SP140: variants seen among roughly 807,000 people sequenced by gnomAD.
The protein encoded by SP140 is nuclear body protein SP140.
SP140 carries 81 observed loss-of-function variants against 125.0 expected under a neutral mutation model. The observed-to-expected ratio is 0.65, with a 90% CI of 0.54 to 0.78. The LOEUF is 0.78. SP140 is among the 30% of genes least tolerant of loss of function. The probability of loss-of-function intolerance (pLI) is 0.00; values close to 1 mark genes in which losing one functional copy is unlikely to be tolerated. For synonymous variants in SP140, 312 were observed against 354.0 expected (o/e 0.88, Z 1.33); for missense variants, 858 against 1,037.0 (o/e 0.83, Z 2.37).
chr2:230,288,672 A>G (rs1049058581), intron 18 of SP140, among the ~76,000 whole-genome samples: 7 of 151,948 alleles, frequency 4.6e-5, no homozygotes, highest in African/African-American at 1.7e-4. Context: ...CCCTGTGTCC[A>G]TGTGTCCTTA....
At chr2:230,205,104 A>G (rs1468911045) in intron 1 of SP140, among the ~76,000 whole-genome samples, 1 of 152,188 alleles carries the variant, frequency 6.6e-6, no homozygotes, top group Non-Finnish European at 1.5e-5. Context: ...GAAATAAACT[A>G]ATTAGATTTT....
the SP140 span, among the ~76,000 whole-genome samples, chr2:230,197,418 A>T: frequency 6.6e-6 from 1 of 151,002 alleles, no homozygotes; most frequent in Non-Finnish European, 1.5e-5. Flanking sequence ...AATTTGTTTG[A>T]GTTAATTGTA....
At position 230,244,941 on chromosome 2, in the gene SP140, G is replaced by A. The variant is rs750946875; in HGVS notation, c.572-47G>A. On this transcript the variant is annotated intron_variant, in intron 5 of 26. Transcript: ENST00000392045. ...TGCTGAACACCAGGATTCAGCAGGA[G>A]CATCCTGAGGTCTGTGCTCTCATCA... 6.7e-6 allele frequency: 9 copies of A among 1,340,218 alleles called. No homozygotes were observed. The East Asian group carries it at 9.3e-5, about 14-fold the overall frequency. The allele number at this position is 1,340,218 out of a possible 1,614,324, so 83.0% of individuals were successfully genotyped here.
Position 230,249,011 on chromosome 2 carries a change from T to C in SP140, c.976+43T>C, listed in dbSNP as rs189035556. 2.5e-5 allele frequency: 38 copies of C among 1,513,880 alleles called. No homozygotes were observed. In the African/African-American group the frequency reaches 5.0e-4, roughly 20 times the overall value. 93.8% of individuals were successfully genotyped at this position (1,513,880 alleles called of 1,614,324 possible). ...TTTTAAATATTTGAGTACATCTTTG[T>C]TTTCTAGTTGGCATGGAAAAAAAGT... is the stretch of plus-strand genomic sequence containing the variant. On this transcript the variant is annotated intron_variant, in intron 9 of 26. Transcript: ENST00000392045.
rs867706333 is a variant in SP140 at position 230,237,126 on chromosome 2, G to A, written c.103G>A (p.Glu35Lys). ...IQNVEGQNLQ[E>K]QVCPEPIFRF... ...GAACGTAGAGGGTCAGAACCTGCAG[G>A]AGCAGGTTTGCCCTGAGCCCATTTT... Residue 35 changes from glutamate to lysine, a missense_variant, in exon 2 of 27, where the codon GAG (glutamate) becomes AAG (lysine). By Grantham distance (56) the Glu-to-Lys change is moderately conservative. Around this residue, in one of 4 missense-constraint regions of SP140, gnomAD observed 791 missense variants for 869.5 expected, o/e 0.91. Coordinates refer to ENST00000392045, the MANE Select transcript of SP140 (RefSeq NM_007237.5). This position sits in a 1 kb window ranked among gnomAD's most constrained non-coding sequence, Gnocchi z 5.4. The A allele has an allele frequency of 6.2e-7, 1 of 1,610,198 alleles. No homozygotes were observed. Among genetic ancestry groups the A allele is most frequent in the Non-Finnish European group, 8.5e-7 (1 of 1,178,692 alleles).
chr2:230,276,433 G>C (rs1360354237), intron 15 of SP140, among the ~76,000 whole-genome samples: 1 of 152,124 alleles, frequency 6.6e-6, no homozygotes, highest in Non-Finnish European at 1.5e-5. Flanking sequence ...ATGGTTTACT[G>C]AGTATTTTAA....
chr2:230,222,247 A>G (rs991980307), upstream of SP140, among the ~76,000 whole-genome samples: 1 of 151,984 alleles, frequency 6.6e-6, no homozygotes, highest in Admixed American at 6.6e-5. Flanking sequence ...AAAAAAAAAA[A>G]ATGCATGCTT....
Position 230,290,480 on chromosome 2 carries a change from G to A in SP140, c.1741G>A (p.Glu581Lys), listed in dbSNP as rs985447090. ...RSRASRKHKD[E>K]TVDFKAPLLP... ...TTCAGCTTCAAGAAAGCACAAAGAT[G>A]AAACTGTGGATTTTAAGGCTCCTTT... The change falls in exon 19 of 27, where the codon GAA becomes AAA. Residue 581 changes from glutamate to lysine, a missense_variant. Physicochemically the swap from Glu to Lys is moderately conservative, Grantham distance 56. Coordinates refer to ENST00000392045, the MANE Select transcript of SP140 (RefSeq NM_007237.5). 1 of 1,613,722 alleles carries A rather than the reference G, an allele frequency of 6.2e-7. No individual in the cohort carries two copies. Among genetic ancestry groups the A allele is most frequent in the African/African-American group, 1.3e-5 (1 of 74,884 alleles).
intron 22 of SP140, 46 bp from the exon 23 acceptor site, chr2:230,309,878 T>A (rs542691590): frequency 1.2e-6 from 2 of 1,606,028 alleles, no homozygotes; most frequent in East Asian, 4.5e-5. Context: ...TTGGCCTTCC[T>A]GAATCTTGCG....
intron 15 of SP140, among the ~76,000 whole-genome samples, chr2:230,272,046 G>A (rs1166751520): frequency 6.6e-6 from 1 of 152,160 alleles, no homozygotes; most frequent in African/African-American, 2.4e-5. Flanking sequence ...AAAAACCACT[G>A]TTCAAAGAAA....
Position 230,269,962 on chromosome 2 carries a change from G to T in SP140, c.1444+9G>T, listed in dbSNP as rs1269236048. ...AGCGTGTGGCACAATGGGTAAGGCT[G>T]TCTGAGGGCCGTGGGATGGGGGTGG... On this transcript the variant is annotated intron_variant, in intron 14 of 26. Transcript: ENST00000392045. 1.9e-6 allele frequency: 3 copies of T among 1,597,882 alleles called. No homozygotes were observed. The highest frequency in any genetic ancestry group is 2.2e-5 in the East Asian group (1 of 44,778).
chr2:230,253,228 A>G, intron 10 of SP140, 88 bp from the exon 11 acceptor site: 1 of 914,212 alleles, frequency 1.1e-6, no homozygotes, highest in East Asian at 2.5e-5. Flanking sequence ...AGGCGGAACA[A>G]GACAGGGGTG....
chr2:230,248,177 T>G, intron 8 of SP140, 112 bp downstream of exon 8: 1 of 967,290 alleles, frequency 1.0e-6, no homozygotes, highest in Non-Finnish European at 1.6e-6. Flanking sequence ...ATTACTGGAT[T>G]GCACAAGAGC....
upstream of SP140, chr2:230,221,649 G>A: frequency 2.0e-6 from 3 of 1,481,498 alleles, no homozygotes; most frequent in Non-Finnish European, 2.7e-6. Context: ...TGATGCAGGG[G>A]ATGGCGGTGG....
At chr2:230,207,336 G>C (rs2043979435) in intron 1 of SP140, among the ~76,000 whole-genome samples, 1 of 152,158 alleles carries the variant, frequency 6.6e-6, no homozygotes, top group South Asian at 2.1e-4. Flanking sequence ...TGCTCTGGCT[G>C]ATAAGCTGGT....
the SP140 span, among the ~76,000 whole-genome samples, chr2:230,197,149 A>G: frequency 6.6e-6 from 1 of 152,186 alleles, no homozygotes; most frequent in African/African-American, 2.4e-5. Context: ...ACTAGTGTAC[A>G]GTCCCACCAA....
intron 19 of SP140, among the ~76,000 whole-genome samples, chr2:230,291,064 C>T (rs1291499636): frequency 6.6e-6 from 1 of 152,064 alleles, no homozygotes; most frequent in Non-Finnish European, 1.5e-5. Flanking sequence ...AGAGAGGGAA[C>T]AATAATGAAA....
At chr2:230,266,086 G>A (rs757771343) in intron 12 of SP140, among the ~76,000 whole-genome samples, 2 of 152,096 alleles carry the variant, frequency 1.3e-5, no homozygotes, top group Non-Finnish European at 2.9e-5. Context: ...TGGTATTTCA[G>A]AAAAGATTGA....
intron 3 of SP140, chr2:230,239,068 A>T: frequency 7.2e-7 from 1 of 1,392,356 alleles, no homozygotes; most frequent in Non-Finnish European, 9.3e-7. Flanking sequence ...AAGGGCATTT[A>T]AACGGGAAAA....
Sources: allele counts gnomAD v4.1 joint callset (sites outside exome capture counted in the v4.1 genomes callset), GRCh38; gene constraint gnomAD v4.1.1; regional missense constraint gnomAD v4.1.1; non-coding constraint Gnocchi (gnomAD v3.1); transcripts MANE v1.5; gene names NCBI Gene and HGNC (gene_info 2026-07-23, HGNC 2026-07-21).